CIT: variants seen among roughly 807,000 people sequenced by gnomAD.
CIT encodes citron Rho-interacting kinase.
In CIT, 79 loss-of-function variants were observed where a neutral mutation model predicts 272.7. That is an observed-to-expected ratio of 0.29 (90% CI 0.24 to 0.35). CIT has a LOEUF of 0.35. Ranked by LOEUF, CIT falls within the 10% of genes least tolerant of loss-of-function variation. CIT has a pLI of 1.00. For synonymous variants in CIT, 948 were observed against 995.6 expected (o/e 0.95, Z 0.90); for missense variants, 1,909 against 2,618.3 (o/e 0.73, Z 5.91).
At chr12:119,819,579 A>T (rs973117657) in intron 9 of CIT, among the ~76,000 whole-genome samples, 15 of 152,236 alleles carry the variant, frequency 9.9e-5, no homozygotes, top group African/African-American at 1.7e-4. Flanking sequence ...AACAAGAAAA[A>T]GAAGAATTGG....
chr12:119,788,037 G>A (rs1273965971), intron 10 of CIT, among the ~76,000 whole-genome samples: 1 of 152,140 alleles, frequency 6.6e-6, no homozygotes, highest in Non-Finnish European at 1.5e-5. Flanking sequence ...TAAAGCAATT[G>A]CTTAAAATGG....
chr12:119,712,839 G>A lies in CIT; in HGVS notation c.4580-144C>T. On this transcript the variant is annotated intron_variant, in intron 35 of 47. Transcript: ENST00000392521. This position sits in a 1 kb window ranked among gnomAD's most constrained non-coding sequence, Gnocchi z 5.2. ...GGCGCACGAGAACAAGGAAGGGACA[G>A]AGGTGTGCAGAGAAGGCAGAGAGGG... 1 of 649,448 alleles carries A rather than the reference G, an allele frequency of 1.5e-6. No homozygotes were observed. Among genetic ancestry groups the A allele is most frequent in the Non-Finnish European group, 2.7e-6 (1 of 370,790 alleles). The allele number at this position is 649,448 out of a possible 1,614,324, so 40.2% of individuals were successfully genotyped here. A position where few individuals can be genotyped will look rare whatever the true frequency, so the allele number is the denominator to read the frequency against.
rs542463927 is a variant in CIT, at chr12:119,697,961, G to C, written c.5702+15C>G. ...AATAGCTGAAGTTTTCCACGCATGG[G>C]AGGACAATGCTTACCCTGCTGAGGA... On this transcript the variant is annotated intron_variant, in intron 45 of 47. Coordinates refer to ENST00000392521, the MANE Select transcript of CIT (RefSeq NM_001206999.2). This position sits in a 1 kb window ranked among gnomAD's most constrained non-coding sequence, Gnocchi z 4.9. The C allele has an allele frequency of 3.8e-4, 621 of 1,614,016 alleles. 7 individuals carry two copies. In the South Asian group the frequency reaches 4.6e-3, roughly 12 times the overall value.
At chr12:119,826,133 A>G (rs1435546765) in intron 7 of CIT, among the ~76,000 whole-genome samples, 1 of 152,180 alleles carries the variant, frequency 6.6e-6, no homozygotes, top group African/African-American at 2.4e-5. Flanking sequence ...CTCAAGTTCA[A>G]AAATTTGGAA....
In CIT at chr12:119,713,866, A is replaced by G. The variant is rs1957303401; in HGVS notation, c.4307-218T>C. ...TCTTGACCCAGTTTTCCAGGCTTCA[A>G]TCCAGACCGCCCACAAACAGGTGTG... On this transcript the variant is annotated intron_variant, in intron 33 of 47. Coordinates refer to ENST00000392521, the MANE Select transcript of CIT (RefSeq NM_001206999.2). This position sits in a 1 kb window ranked among gnomAD's most constrained non-coding sequence, Gnocchi z 5.2. The G allele has an allele frequency of 3.1e-5, 19 of 617,768 alleles. No homozygotes were observed. Among genetic ancestry groups the G allele is most frequent in the South Asian group, 2.9e-4 (15 of 50,932 alleles). The allele number at this position is 617,768 out of a possible 1,614,324, so 38.3% of individuals were successfully genotyped here.
In CIT at chr12:119,857,550, C is replaced by T. The variant is rs769746605; in HGVS notation, c.387G>A (p.Lys129=). The change falls in exon 4 of 48, where the codon AAG becomes AAA. Residue 129 remains lysine, a synonymous_variant. Coordinates refer to ENST00000392521, the MANE Select transcript of CIT (RefSeq NM_001206999.2). ...TGDIYAMKVM[K]KKALLAQEQV... ...GCTCCTGGGCCAATAAAGCCTTCTT[C>T]TTCATCACTTTCATAGCATAGATGT... 33 of 1,614,036 alleles carry T rather than the reference C, an allele frequency of 2.0e-5. No individual in the cohort carries two copies. The highest frequency in any genetic ancestry group is 2.6e-5 in the Non-Finnish European group (31 of 1,180,036).
In CIT at chr12:119,784,081, G is replaced by C; in HGVS notation, c.1402-30C>G. The C allele has an allele frequency of 6.2e-7, 1 of 1,613,526 alleles. No homozygotes were observed. Among genetic ancestry groups the C allele is most frequent in the Non-Finnish European group, 8.5e-7 (1 of 1,179,654 alleles). Reference sequence around the variant, plus strand: ...AATAAACACATCGACAGGTTAAAAAGGCCCGTGGAGGTTCATTAGGAGCAA... The same window carrying C: ...AATAAACACATCGACAGGTTAAAAACGCCCGTGGAGGTTCATTAGGAGCAA... On this transcript the variant is annotated intron_variant, in intron 11 of 47. Transcript: ENST00000392521. This position sits in a 1 kb window ranked among gnomAD's most constrained non-coding sequence, Gnocchi z 4.7.
chr12:119,811,261 A>T (rs963721195), intron 9 of CIT, among the ~76,000 whole-genome samples: 3 of 152,216 alleles, frequency 2.0e-5, no homozygotes, highest in Non-Finnish European at 4.4e-5. Flanking sequence ...CTGTGACTGC[A>T]TCACTGCTTT....
chr12:119,730,474 G>C, intron 27 of CIT, 21 bp downstream of exon 27: 1 of 1,557,556 alleles, frequency 6.4e-7, no homozygotes, highest in South Asian at 1.2e-5. Flanking sequence ...TTCCTAAAAA[G>C]CAGAAGGGGT....
At chr12:119,719,618 A>C (rs943855510) in intron 30 of CIT, among the ~76,000 whole-genome samples, 5 of 152,198 alleles carry the variant, frequency 3.3e-5, no homozygotes, top group Admixed American at 2.6e-4. Context: ...TCATGCCCTT[A>C]CAGCGAAGAT....
intron 2 of CIT, among the ~76,000 whole-genome samples, chr12:119,871,358 A>G (rs1950672041): frequency 6.6e-6 from 1 of 152,130 alleles, no homozygotes; most frequent in South Asian, 2.1e-4. Flanking sequence ...AAAATAAATC[A>G]TTGTTGCTTT....
At chr12:119,835,411 C>A (rs1044962056) in intron 5 of CIT, among the ~76,000 whole-genome samples, 1 of 152,186 alleles carries the variant, frequency 6.6e-6, no homozygotes, top group Non-Finnish European at 1.5e-5. Context: ...TTCTTCCCCC[C>A]CACTTTACTG....
rs184267337 is a variant in CIT, at chr12:119,790,026, C to G, written c.1296-4961G>C. Among the ~76,000 whole-genome samples, 29 of 152,036 alleles carry G rather than the reference C, an allele frequency of 1.9e-4. No individual in the cohort carries two copies. In the East Asian group the frequency reaches 5.6e-3, roughly 29 times the overall value. On this transcript the variant is annotated intron_variant, in intron 10 of 47. Coordinates refer to ENST00000392521, the MANE Select transcript of CIT (RefSeq NM_001206999.2). ...ACTGCACCCGGCCTGTTTTCTTTTT[C>G]TAAGATTTTTATTAGCCATCCTTCT...
chr12:119,839,318 C>T (rs145206082), intron 5 of CIT, among the ~76,000 whole-genome samples: 199 of 152,316 alleles, frequency 1.3e-3, no homozygotes, highest in African/African-American at 1.9e-3. Flanking sequence ...TTCTTTAGTA[C>T]TCTATTCCAA....
In CIT at chr12:119,706,935, C is replaced by T. The variant is rs184814253; in HGVS notation, c.5211+1244G>A. 2.3e-3 allele frequency among the ~76,000 whole-genome samples: 354 copies of T among 152,308 alleles called. 1 individual carries two copies. The highest frequency in any genetic ancestry group is 3.3e-3 in the Non-Finnish European group (227 of 68,028). ...ATAAGTGTTCCTTTTTCTCCACGAC[C>T]TCACCAGCATCTGTTATTTTTTGAC... On this transcript the variant is annotated intron_variant, in intron 40 of 47. Coordinates refer to ENST00000392521, the MANE Select transcript of CIT (RefSeq NM_001206999.2).
intron 16 of CIT, among the ~76,000 whole-genome samples, chr12:119,774,213 G>C (rs1460693600): frequency 6.6e-6 from 1 of 152,054 alleles, no homozygotes; most frequent in Non-Finnish European, 1.5e-5. Context: ...TCATTGCCCA[G>C]TAATGGGAAT....
chr12:119,713,111 A>C lies in CIT; in HGVS notation c.4579+92T>G. 1.1e-6 allele frequency: 1 copy of C among 902,194 alleles called. No homozygotes were observed. The highest frequency in any genetic ancestry group is 1.8e-6 in the Non-Finnish European group (1 of 566,296). 55.9% of individuals were successfully genotyped at this position (902,194 alleles called of 1,614,324 possible). A position where few individuals can be genotyped will look rare whatever the true frequency, so the allele number is the denominator to read the frequency against. On this transcript the variant is annotated intron_variant, in intron 35 of 47. Coordinates refer to ENST00000392521, the MANE Select transcript of CIT (RefSeq NM_001206999.2). The surrounding 1 kb of genome is among the most constrained non-coding windows in gnomAD (Gnocchi z 5.2). The stretch of plus-strand genomic sequence containing the variant: ...AAATGGAAAAGCGTAGAAGGCTTGC[A>C]AGGCAGTCCAAAAAACAAAGCCTTC...
chr12:119,876,478 T>G (rs539234480), intron 1 of CIT, among the ~76,000 whole-genome samples: 2 of 152,312 alleles, frequency 1.3e-5, no homozygotes, highest in East Asian at 1.9e-4. Flanking sequence ...GGGGCACACA[T>G]AGCCTGGCAC....
chr12:119,855,243 A>G lies in CIT; in HGVS notation c.414+2280T>C, dbSNP rs562067901. On this transcript the variant is annotated intron_variant, in intron 4 of 47. Coordinates refer to ENST00000392521, the MANE Select transcript of CIT (RefSeq NM_001206999.2). ...CAAGACCATCCTGGCTAACGAGGTA[A>G]AACCCCGTCTCTACTAAAATTACAA... Among the ~76,000 whole-genome samples, 4 of 152,106 alleles carry G rather than the reference A, an allele frequency of 2.6e-5. No individual in the cohort carries two copies. The South Asian group carries it at 8.3e-4, about 32-fold the overall frequency.
Sources: allele counts gnomAD v4.1 joint callset (sites outside exome capture counted in the v4.1 genomes callset), GRCh38; gene constraint gnomAD v4.1.1; non-coding constraint Gnocchi (gnomAD v3.1); transcripts MANE v1.5; gene names NCBI Gene and HGNC (gene_info 2026-07-23, HGNC 2026-07-21).